TRPM8: variants seen among roughly 807,000 people sequenced by gnomAD.
TRPM8 encodes TRPM8 cationic channel.
TRPM8 carries 110 observed loss-of-function variants against 133.7 expected under a neutral mutation model. The observed-to-expected ratio is 0.82, with a 90% CI of 0.70 to 0.96. The LOEUF is 0.96. Among genes scored for constraint, TRPM8 ranks in the 40% least tolerant of loss-of-function variants. TRPM8 has a pLI of 0.00. For missense variants in TRPM8, 1,291 were observed against 1,379.5 expected, an observed-to-expected ratio of 0.94 and a Z score of 1.02; for synonymous variants, 535 against 532.3, an observed-to-expected ratio of 1.01 and a Z score of -0.07.
At chr2:234,008,542 CAG>C (rs1692754271) in intron 24 of TRPM8, among the ~76,000 whole-genome samples, 1 of 152,356 alleles carries the variant, frequency 6.6e-6, no homozygotes, top group South Asian at 2.1e-4. Flanking sequence ...CAGGCATAGA[CAG>C]AGTGTGTCTG....
chr2:234,012,611 C>G (rs1010972043), intron 24 of TRPM8, among the ~76,000 whole-genome samples: 1 of 151,480 alleles, frequency 6.6e-6, no homozygotes, highest in African/African-American at 2.4e-5. Context: ...TTTTTCTTGT[C>G]TGATTTCTCT....
chr2:233,946,930 C>T (rs1055871090), intron 7 of TRPM8, among the ~76,000 whole-genome samples, 158 bp from the exon 8 acceptor site: 7 of 152,166 alleles, frequency 4.6e-5, no homozygotes, highest in African/African-American at 1.2e-4. Context: ...AAGACTCATC[C>T]GTCTTTAATG....
intron 22 of TRPM8, among the ~76,000 whole-genome samples, chr2:234,006,145 G>A (rs1455820370): frequency 2.0e-5 from 3 of 152,150 alleles, no homozygotes; most frequent in African/African-American, 7.2e-5. Flanking sequence ...GGACACCTGT[G>A]TGAGCATATG....
chr2:233,957,153 A>G (rs1222330469), intron 11 of TRPM8, among the ~76,000 whole-genome samples: 1 of 152,132 alleles, frequency 6.6e-6, no homozygotes, highest in Non-Finnish European at 1.5e-5. Context: ...AAATTTTTAG[A>G]GATTTTCTGA....
At chr2:233,970,452 C>T in intron 17 of TRPM8, 26 bp downstream of exon 17, 1 of 1,602,778 alleles carries the variant, frequency 6.2e-7, no homozygotes, top group Non-Finnish European at 8.5e-7. Context: ...CAGCAGGAAC[C>T]CCCTCGCTTC....
chr2:233,930,571 C>A, intron 2 of TRPM8, 97 bp from the exon 3 acceptor site: 1 of 758,044 alleles, frequency 1.3e-6, no homozygotes, highest in Non-Finnish European at 2.1e-6. Context: ...ATTCTTAAAG[C>A]CTTTGAAGTG....
At chr2:233,972,763 T>C (rs1231733770) in intron 17 of TRPM8, among the ~76,000 whole-genome samples, 1 of 152,100 alleles carries the variant, frequency 6.6e-6, no homozygotes, top group African/African-American at 2.4e-5. Context: ...CTGCTCCCAG[T>C]GCGGGGCCCG....
chr2:233,971,765 G>A (rs187882818), intron 17 of TRPM8, among the ~76,000 whole-genome samples: 5 of 152,222 alleles, frequency 3.3e-5, no homozygotes, highest in African/African-American at 1.2e-4. Flanking sequence ...GCTCATAAAA[G>A]CAGTGTGGAC....
intron 21 of TRPM8, among the ~76,000 whole-genome samples, chr2:233,991,287 A>G (rs1340237988): frequency 2.0e-5 from 3 of 152,218 alleles, no homozygotes; most frequent in Admixed American, 6.5e-5. Context: ...TCTGTTAGCA[A>G]TATACTAACC....
At chr2:234,013,141 A>G (rs1247738232) in intron 24 of TRPM8, 1 of 152,144 alleles carries the variant, frequency 6.6e-6, no homozygotes. Flanking sequence ...GCCTCACACA[A>G]TGAATTTGTA....
In TRPM8 at chr2:233,996,344, C is replaced by A. The variant is rs1348050383; in HGVS notation, c.2958C>A (p.Val986=). 3 of 1,614,086 alleles carry A rather than the reference C, an allele frequency of 1.9e-6. No homozygotes were observed. The African/African-American group carries it at 4.0e-5, about 22-fold the overall frequency. The part of the protein sequence containing the change: ...VAMFGYTVGT[V]QENNDQVWKF... ...TCACCAGCTACACGGTGGGCACCGT[C>A]CAGGAGAACAATGACCAGGTCTGGA... The change falls in exon 22 of 26, where the codon GTC becomes GTA. Residue 986 remains valine, a synonymous_variant. Transcript: ENST00000324695.
intron 22 of TRPM8, among the ~76,000 whole-genome samples, chr2:234,005,927 T>TACTCAC (rs1553670995): frequency 7.4e-6 from 1 of 136,008 alleles, no homozygotes; most frequent in African/African-American, 2.9e-5. Context: ...AAACGTCATC[T>TACTCAC]ACACACACAC....
At chr2:233,978,315 T>G (rs1371214972) in intron 17 of TRPM8, among the ~76,000 whole-genome samples, 1 of 151,962 alleles carries the variant, frequency 6.6e-6, no homozygotes, top group African/African-American at 2.4e-5. Context: ...AGACAAGGCC[T>G]CTCAAGCTAT....
rs1491398210 is a variant in TRPM8, at chr2:233,974,886, A to ACAGAGAGAGAGAGAGG, written c.2355+4466_2355+4481dup. On this transcript the variant is annotated intron_variant, in intron 17 of 25. Transcript: ENST00000324695. ...CAAATTAGCAGAGAGAGAGAGAGAG[A>ACAGAGAGAGAGAGAGG]CAGAGAGAGAGAGAGGCAGAGGAGA... Among the ~76,000 whole-genome samples, 81 of 151,420 alleles carry ACAGAGAGAGAGAGAGG rather than the reference A, an allele frequency of 5.3e-4. 1 individual carries two copies. The highest frequency in any genetic ancestry group is 4.9e-3 in the Admixed American group (75 of 15,262).
chr2:233,927,835 C>T lies in TRPM8; in HGVS notation c.117+1181C>T, dbSNP rs1418359827. On this transcript the variant is annotated intron_variant, in intron 2 of 25. Transcript: ENST00000324695. The stretch of plus-strand genomic sequence containing the variant: ...TCCTTCCTTCCTTCCTTCCTTCCTT[C>T]CTTCCTTCCTTCCTTCCTTTCTTTC... Among the ~76,000 whole-genome samples, 162 of 74,866 alleles carry T rather than the reference C, an allele frequency of 2.2e-3. 8 individuals are homozygous for T. The highest frequency in any genetic ancestry group is 6.1e-3 in the Middle Eastern group (1 of 164). The allele number at this position is 74,866 out of a possible 152,430, so 49.1% of individuals were successfully genotyped here. A position where few individuals can be genotyped will look rare whatever the true frequency, so the allele number is the denominator to read the frequency against.
At chr2:233,967,278 G>T (rs28902181) in intron 15 of TRPM8, among the ~76,000 whole-genome samples, 2,888 of 152,300 alleles carry the variant, frequency 0.019, 96 homozygotes, top group African/African-American at 0.066. Flanking sequence ...CTGTCTAGAG[G>T]CTTTCTGCAC....
chr2:233,961,468 GC>G (rs1380230235), intron 12 of TRPM8, among the ~76,000 whole-genome samples: 1 of 151,972 alleles, frequency 6.6e-6, no homozygotes, highest in African/African-American at 2.4e-5. Context: ...ACCACGTGTG[GC>G]TAATTTTTGT....
At position 233,998,315 on chromosome 2, in the gene TRPM8, A is replaced by G. The variant is rs750836854; in HGVS notation, c.3130+1799A>G. 2.4e-4 allele frequency among the ~76,000 whole-genome samples: 36 copies of G among 152,214 alleles called. 1 individual carries two copies. The highest frequency in any genetic ancestry group is 1.8e-4 in the Non-Finnish European group (12 of 68,024). The stretch of plus-strand genomic sequence containing the variant: ...TCATATATATTAATGTATTTGTTTT[A>G]CACCAACTAAGTCATACAATATTTT... On this transcript the variant is annotated intron_variant, in intron 22 of 25. Transcript: ENST00000324695.
chr2:233,981,376 T>C (rs750954654), intron 18 of TRPM8, among the ~76,000 whole-genome samples: 4 of 152,146 alleles, frequency 2.6e-5, no homozygotes, highest in Non-Finnish European at 5.9e-5. Flanking sequence ...GAGGTAAGTT[T>C]CATTAGGGGA....
Sources: gnomAD v4.1 joint callset for allele counts (sites outside exome capture counted in the v4.1 genomes callset) on GRCh38, gnomAD v4.1.1 for gene constraint, MANE v1.5 for transcripts, NCBI Gene and HGNC (gene_info 2026-07-23, HGNC 2026-07-21) for gene names.